ARHGEF4: variants seen among roughly 807,000 people sequenced by gnomAD.
The protein encoded by ARHGEF4 is Rho guanine nucleotide exchange factor 4.
ARHGEF4 carries 119 observed loss-of-function variants against 162.0 expected under a neutral mutation model. The observed-to-expected ratio is 0.73, with a 90% CI of 0.63 to 0.86. ARHGEF4 has a LOEUF of 0.86. Among genes scored for constraint, ARHGEF4 ranks in the 40% least tolerant of loss-of-function variants. The pLI, the probability that ARHGEF4 is intolerant of heterozygous loss-of-function variation, is 0.00. For missense variants in ARHGEF4, 2,488 were observed against 2,456.0 expected, an observed-to-expected ratio of 1.01 and a Z score of -0.28; for synonymous variants, 1,014 against 979.9, an observed-to-expected ratio of 1.03 and a Z score of -0.65.
intron 4 of ARHGEF4, among the ~76,000 whole-genome samples, chr2:131,021,838 C>T (rs1453902482): frequency 6.6e-6 from 1 of 152,084 alleles, no homozygotes; most frequent in Non-Finnish European, 1.5e-5. Context: ...GAGGACTTTT[C>T]CTTCTATTTC....
At chr2:130,933,170 G>A (rs1682736137) in intron 3 of ARHGEF4, among the ~76,000 whole-genome samples, 2 of 150,694 alleles carry the variant, frequency 1.3e-5, no homozygotes, top group African/African-American at 4.9e-5. Context: ...AGCCAAGACT[G>A]CACCACTGCA....
chr2:130,837,017 C>T, intron 1 of ARHGEF4, 25 bp downstream of exon 1: 1 of 1,226,732 alleles, frequency 8.2e-7, no homozygotes. Flanking sequence ...CCGGGACTTG[C>T]GGTCGGGCTC....
At position 130,963,275 on chromosome 2, in the gene ARHGEF4, G is replaced by A. The variant is rs374854995; in HGVS notation, c.3985+16640G>A. On this transcript the variant is annotated intron_variant, in intron 4 of 13. Coordinates refer to ENST00000409359, the MANE Select transcript of ARHGEF4 (RefSeq NM_001367493.1). ...GCTGTCAGGAGGGTCGCAGGCGCCC[G>A]GTGGTCCACGCTCACCGTGCGCCTG... Among the ~76,000 whole-genome samples, 47 of 151,740 alleles carry A rather than the reference G, an allele frequency of 3.1e-4. 2 individuals carry two copies. The highest frequency in any genetic ancestry group is 2.8e-3 in the East Asian group (14 of 5,052).
chr2:130,988,893 TATATATATAGAGAGAGAGAGAGAGAG>T (rs1206029597), intron 4 of ARHGEF4, among the ~76,000 whole-genome samples: 1 of 113,244 alleles, frequency 8.8e-6, no homozygotes, highest in Non-Finnish European at 1.8e-5. Context: ...TATATATATA[TATATATATAGAGAGAGAGAGAGAGAG>T]AGAGAGAGAG....
intron 4 of ARHGEF4, among the ~76,000 whole-genome samples, chr2:130,953,900 A>G (rs1684109955): frequency 6.6e-6 from 1 of 152,218 alleles, no homozygotes. Context: ...AAGTCAGGAA[A>G]CAACAGGTGT....
Position 131,040,033 on chromosome 2 carries a change from C to T in ARHGEF4, c.4323C>T (p.Asp1441=). 1.3e-6 allele frequency: 2 copies of T among 1,565,068 alleles called. No individual in the cohort carries two copies. The highest frequency in any genetic ancestry group is 1.7e-6 in the Non-Finnish European group (2 of 1,156,158). The change falls in exon 7 of 14, where the codon GAC becomes GAT. Residue 1441 remains aspartate (D), a synonymous_variant. Transcript: ENST00000409359. ...GCCTGCAGCTGAGGGTGAATCAGGACGAGCCCGCGGATGACGACGCCCCTC... is the reference window on the plus strand; with the variant it reads ...GCCTGCAGCTGAGGGTGAATCAGGATGAGCCCGCGGATGACGACGCCCCTC... ...ASFVRLRVNQ[D]EPADDDAPLA...
intron 1 of ARHGEF4, among the ~76,000 whole-genome samples, chr2:130,867,195 TC>T (rs1682340630): frequency 6.6e-6 from 1 of 151,948 alleles, no homozygotes; most frequent in African/African-American, 2.4e-5. Context: ...CTTCCAAAAG[TC>T]CATGGTATCT....
chr2:130,939,209 A>C (rs1339667942), intron 3 of ARHGEF4, among the ~76,000 whole-genome samples: 1 of 152,168 alleles, frequency 6.6e-6, no homozygotes, highest in African/African-American at 2.4e-5. Flanking sequence ...TCCAGTTGCA[A>C]CCATGTTGCT....
intron 4 of ARHGEF4, among the ~76,000 whole-genome samples, chr2:130,988,901 T>TATATATAGAGAGAG (rs1469212068): frequency 2.4e-4 from 27 of 113,372 alleles, no homozygotes; most frequent in East Asian, 8.5e-4. Context: ...TATATATATA[T>TATATATAGAGAGAG]AGAGAGAGAG....
chr2:130,899,334 A>T (rs955728796), intron 1 of ARHGEF4, among the ~76,000 whole-genome samples: 21 of 152,316 alleles, frequency 1.4e-4, no homozygotes, highest in Admixed American at 1.2e-3. Flanking sequence ...ACAGGCAATT[A>T]TAACCCAGCC....
intron 1 of ARHGEF4, among the ~76,000 whole-genome samples, chr2:130,878,672 C>T (rs1679013893): frequency 6.6e-6 from 1 of 152,218 alleles, no homozygotes; most frequent in African/African-American, 2.4e-5. Flanking sequence ...CAGGGATACT[C>T]AGGGCCACGG....
chr2:130,988,870 G>GTATA (rs1490702049), intron 4 of ARHGEF4, among the ~76,000 whole-genome samples: 12 of 29,268 alleles, frequency 4.1e-4, no homozygotes, highest in African/African-American at 6.5e-4. Flanking sequence ...GTGTGTGTGT[G>GTATA]TGTATATATA....
intron 10 of ARHGEF4, among the ~76,000 whole-genome samples, chr2:131,042,994 T>A (rs1000267383): frequency 6.6e-6 from 1 of 152,146 alleles, no homozygotes; most frequent in African/African-American, 2.4e-5. Context: ...AACTAGTATG[T>A]GAGCCACATA....
Position 130,930,948 on chromosome 2 carries a change from C to T in ARHGEF4, c.3553-4C>T. The T allele has an allele frequency of 6.2e-7, 1 of 1,602,746 alleles. No homozygotes were observed. Among genetic ancestry groups the T allele is most frequent in the Non-Finnish European group, 8.5e-7 (1 of 1,171,920 alleles). On this transcript the variant is annotated splice_polypyrimidine_tract_variant and splice_region_variant and intron_variant, in intron 2 of 13. Transcript: ENST00000409359. ...ACCCCTGACCCGTTCTCTCTGCTCT[C>T]CAGAACCACATGCCCTGGGAAGAAC...
At chr2:130,882,822 C>T (rs1166382048) in intron 1 of ARHGEF4, among the ~76,000 whole-genome samples, 1 of 151,946 alleles carries the variant, frequency 6.6e-6, no homozygotes, top group African/African-American at 2.4e-5. Context: ...TCTCAGTTTG[C>T]ACCCCGTCAA....
chr2:130,927,432 G>T (rs1232468204), intron 2 of ARHGEF4, among the ~76,000 whole-genome samples: 1 of 152,196 alleles, frequency 6.6e-6, no homozygotes, highest in African/African-American at 2.4e-5. Flanking sequence ...ACACCACTTG[G>T]CTCGGGGACA....
chr2:131,042,064 C>T, intron 10 of ARHGEF4, 120 bp downstream of exon 10: 1 of 1,363,114 alleles, frequency 7.3e-7, no homozygotes, highest in Admixed American at 2.5e-5. Flanking sequence ...TGGGAGCTAG[C>T]AACAGATGCT....
intron 1 of ARHGEF4, among the ~76,000 whole-genome samples, chr2:130,849,825 A>G (rs998313755): frequency 6.6e-6 from 1 of 152,172 alleles, no homozygotes; most frequent in Non-Finnish European, 1.5e-5. Context: ...TCAGCCTCCC[A>G]AAGTGCTGGG....
At chr2:130,924,901 A>T (rs1682137802) in intron 2 of ARHGEF4, among the ~76,000 whole-genome samples, 1 of 152,270 alleles carries the variant, frequency 6.6e-6, no homozygotes, top group South Asian at 2.1e-4. Flanking sequence ...GATTGGACCA[A>T]GTGATTTCCT....
Sources: gnomAD v4.1 joint callset for allele counts (sites outside exome capture counted in the v4.1 genomes callset) on GRCh38, gnomAD v4.1.1 for gene constraint, MANE v1.5 for transcripts, NCBI Gene and HGNC (gene_info 2026-07-23, HGNC 2026-07-21) for gene names.